MAU2: variants seen among roughly 807,000 people sequenced by gnomAD.
MAU2 encodes the protein MAU2 sister chromatid cohesion factor, also known as MAU2 chromatid cohesion factor homolog.
In MAU2, 9 loss-of-function variants were observed where a neutral mutation model predicts 89.1. The ratio of observed to expected loss-of-function variants is 0.10; its 90% confidence interval spans 0.06 to 0.18. The LOEUF (loss-of-function observed/expected upper bound fraction) is 0.18. Ranked by LOEUF, MAU2 falls within the 10% of genes least tolerant of loss-of-function variation. The pLI is 1.00. For missense variants in MAU2, 425 were observed against 803.5 expected (o/e 0.53, Z 5.69); for synonymous variants, 357 against 343.4 (o/e 1.04, Z -0.44).
chr19:19,326,706 A>ATATATATACACATATATATATGTG (rs1555792838), intron 1 of MAU2, among the ~76,000 whole-genome samples: 58 of 86,984 alleles, frequency 6.7e-4, no homozygotes, highest in South Asian at 1.4e-3. Context: ...ATATATGTAT[A>ATATATATACACATATATATATGTG]TATATATATA....
At chr19:19,354,569 C>G (rs2048155840) in intron 17 of MAU2, 124 bp downstream of exon 17, 8 of 806,400 alleles carry the variant, frequency 9.9e-6, no homozygotes, top group East Asian at 2.7e-5. Context: ...AGCCCCAGTT[C>G]TAGCATGGGT....
intron 10 of MAU2, chr19:19,344,178 G>A (rs1376740473): frequency 2.9e-5 from 14 of 484,174 alleles, no homozygotes; most frequent in Non-Finnish European, 4.9e-5. Context: ...TTGGGAGGCC[G>A]AGGCGGGTGG....
At chr19:19,338,740 A>T in intron 4 of MAU2, 105 bp from the exon 5 acceptor site, 1 of 747,364 alleles carries the variant, frequency 1.3e-6, no homozygotes, top group Non-Finnish European at 2.2e-6. Flanking sequence ...AGGCAGTTTC[A>T]CTGACGTGGG....
chr19:19,340,931 C>A, intron 6 of MAU2, 58 bp downstream of exon 6: 1 of 1,606,006 alleles, frequency 6.2e-7, no homozygotes, highest in Non-Finnish European at 8.5e-7. Context: ...GAGGCAGGGC[C>A]CCCACAGAGT....
chr19:19,338,556 G>T (rs1434299294), intron 4 of MAU2, among the ~76,000 whole-genome samples: 1 of 152,242 alleles, frequency 6.6e-6, no homozygotes, highest in Non-Finnish European at 1.5e-5. Flanking sequence ...CAGCCTTGGG[G>T]GTCTGTGCCG....
intron 9 of MAU2, 54 bp from the exon 10 acceptor site, chr19:19,343,783 G>C: frequency 7.3e-7 from 1 of 1,364,398 alleles, no homozygotes. Flanking sequence ...GTGGGCTGGG[G>C]GTGGCGCCTC....
chr19:19,355,889 A>G lies in MAU2; in HGVS notation c.*107A>G, dbSNP rs759841021. ...GCGTGCTTCCTTCCTGATTGTCTCT[A>G]GAGCTTCCAAGTCCTGGGAATGTGC... On this transcript the variant is annotated 3_prime_UTR_variant, in exon 19 of 19. Transcript: ENST00000262815. The G allele has an allele frequency of 9.3e-7, 1 of 1,078,060 alleles. No individual in the cohort carries two copies. The highest frequency in any genetic ancestry group is 1.4e-6 in the Non-Finnish European group (1 of 710,284). 66.8% of individuals were successfully genotyped at this position (1,078,060 alleles called of 1,614,324 possible).
intron 1 of MAU2, among the ~76,000 whole-genome samples, chr19:19,326,167 T>C (rs1456809421): frequency 6.6e-6 from 1 of 151,892 alleles, no homozygotes. Flanking sequence ...TGCCTGGCCC[T>C]CAACTGCATT....
Position 19,356,786 on chromosome 19 carries a change from AC to A in MAU2, c.*1007del, listed in dbSNP as rs1474362894. 2 of 151,986 alleles carry A rather than the reference AC, an allele frequency of 1.3e-5. No individual in the cohort carries two copies. Among genetic ancestry groups the A allele is most frequent in the Non-Finnish European group, 2.9e-5 (2 of 68,098 alleles). The allele number at this position is 151,986 out of a possible 1,614,324, so 9.4% of individuals were successfully genotyped here. A position where few individuals can be genotyped will look rare whatever the true frequency, so the allele number is the denominator to read the frequency against. On this transcript the variant is annotated 3_prime_UTR_variant, in exon 19 of 19. Transcript: ENST00000262815. The stretch of plus-strand genomic sequence containing the variant: ...CTCTGGGGCACAGTGTGAAACCCGC[AC>A]CCTAGCCAGGCCCCAGGGAGCCTCC...
intron 4 of MAU2, 38 bp from the exon 5 acceptor site, chr19:19,338,807 G>A: frequency 6.6e-7 from 1 of 1,526,248 alleles, no homozygotes; most frequent in Non-Finnish European, 9.0e-7. Flanking sequence ...AAACTGATGG[G>A]TTTGGCAGCA....
At chr19:19,336,262 T>C in intron 3 of MAU2, 75 bp downstream of exon 3, 2 of 1,167,048 alleles carry the variant, frequency 1.7e-6, no homozygotes, top group Non-Finnish European at 2.5e-6. Flanking sequence ...ATTGGTAAAT[T>C]GGGGTTCCGG....
At chr19:19,346,539 C>T (rs1014284978) in intron 12 of MAU2, among the ~76,000 whole-genome samples, 1 of 152,130 alleles carries the variant, frequency 6.6e-6, no homozygotes, top group African/African-American at 2.4e-5. Flanking sequence ...CACCTTGCTA[C>T]GTCTCAGAGC....
Position 19,337,282 on chromosome 19 carries a change from G to C in MAU2, c.456+17G>C, listed in dbSNP as rs202168772. On this transcript the variant is annotated intron_variant, in intron 4 of 18. Coordinates refer to ENST00000262815, the MANE Select transcript of MAU2 (RefSeq NM_015329.4). ...CAGCTCGCTGTGAGTACCGCGGCCCGGGAACGAGGGTGCCCGGCAGGGACC... is the reference window on the plus strand; with the variant it reads ...CAGCTCGCTGTGAGTACCGCGGCCCCGGAACGAGGGTGCCCGGCAGGGACC... 731 of 1,603,426 alleles carry C rather than the reference G, an allele frequency of 4.6e-4. 5 individuals are homozygous for C. In the South Asian group the frequency reaches 4.7e-3, roughly 10 times the overall value.
At chr19:19,331,417 G>A (rs909215129) in intron 1 of MAU2, among the ~76,000 whole-genome samples, 1 of 151,864 alleles carries the variant, frequency 6.6e-6, no homozygotes, top group South Asian at 2.1e-4. Flanking sequence ...CAGGAGAATG[G>A]CGTGAACCTG....
At chr19:19,331,671 A>G (rs2061556536) in intron 1 of MAU2, among the ~76,000 whole-genome samples, 1 of 151,962 alleles carries the variant, frequency 6.6e-6, no homozygotes, top group African/African-American at 2.4e-5. Context: ...GAAGGCTGAA[A>G]TGGGACGATC....
At chr19:19,346,079 CCTGA>C (rs1405248757) in intron 12 of MAU2, among the ~76,000 whole-genome samples, 11 of 152,170 alleles carry the variant, frequency 7.2e-5, no homozygotes, top group African/African-American at 2.7e-4. Flanking sequence ...CTGTGTGCGC[CCTGA>C]CTGTTGGACA....
In MAU2 at chr19:19,349,445, C is replaced by A. The variant is rs2061723272; in HGVS notation, c.1548+9C>A. The A allele has an allele frequency of 2.5e-6, 4 of 1,612,406 alleles. No individual in the cohort carries two copies. The highest frequency in any genetic ancestry group is 2.5e-6 in the Non-Finnish European group (3 of 1,178,998). On this transcript the variant is annotated intron_variant, in intron 16 of 18. Transcript: ENST00000262815. Reference sequence around the variant, plus strand: ...TGCTGGGAAACCACAGGGTGAGTGCCCTGGCCTGGGCCCCTCGCTTGGGTG... The same window carrying A: ...TGCTGGGAAACCACAGGGTGAGTGCACTGGCCTGGGCCCCTCGCTTGGGTG...
intron 16 of MAU2, chr19:19,352,172 T>C (rs932970874): frequency 1.3e-5 from 2 of 152,010 alleles, no homozygotes; most frequent in African/African-American, 4.8e-5. Flanking sequence ...TCCACACCTC[T>C]GTATTGGAAG....
At chr19:19,340,800 G>A (rs779502379) in intron 5 of MAU2, 46 bp from the exon 6 acceptor site, 9 of 1,608,940 alleles carry the variant, frequency 5.6e-6, no homozygotes, top group South Asian at 3.3e-5. Context: ...CATCCCAGGA[G>A]GCTCCTGGGC....
Sources: gnomAD v4.1 joint callset for allele counts (sites outside exome capture counted in the v4.1 genomes callset) on GRCh38, gnomAD v4.1.1 for gene constraint, MANE v1.5 for transcripts, NCBI Gene and HGNC (gene_info 2026-07-23, HGNC 2026-07-21) for gene names.